Variants in PREX1 observed in about 807,000 individuals in gnomAD.
PREX1 encodes the protein phosphatidylinositol-3,4,5-trisphosphate dependent Rac exchange factor 1.
A neutral mutation model predicts 198.3 loss-of-function variants in PREX1; 41 were observed. The ratio of observed to expected loss-of-function variants is 0.21; its 90% CI spans 0.16 to 0.27. The LOEUF is 0.27. Ranked by LOEUF, PREX1 falls within the 10% of genes least tolerant of loss-of-function variation. The pLI, the probability that PREX1 is intolerant of heterozygous loss-of-function variation, is 1.00. For synonymous variants in PREX1, 843 were observed against 887.2 expected, an observed-to-expected ratio of 0.95 and a Z score of 0.89; for missense variants, 1,620 against 2,200.7, an observed-to-expected ratio of 0.74 and a Z score of 5.28.
At chr20:48,636,328 G>T in intron 32 of PREX1, 135 bp downstream of exon 32, 1 of 908,424 alleles carries the variant, frequency 1.1e-6, no homozygotes, top group Non-Finnish European at 1.6e-6. Flanking sequence ...GCACACAGGT[G>T]CTCAACAAAT....
intron 1 of PREX1, among the ~76,000 whole-genome samples, chr20:48,763,914 C>A (rs1255686911): frequency 6.6e-6 from 1 of 152,162 alleles, no homozygotes; most frequent in African/African-American, 2.4e-5. Flanking sequence ...ATTGCCTCAT[C>A]CTAGACAATC....
chr20:48,796,777 TAC>T (rs72019275), intron 1 of PREX1, among the ~76,000 whole-genome samples: 16,240 of 150,370 alleles, frequency 0.11, 1,042 homozygotes, highest in Middle Eastern at 0.25. Context: ...TAGTTATATA[TAC>T]AGTTATATAC....
Position 48,717,935 on chromosome 20 carries a change from G to A in PREX1, c.621+8355C>T, listed in dbSNP as rs147482312. ...TGATGAGACCAAGCTAAATGTTATC[G>A]CCAGCCTCTGTCAGCAAAGCAGAAG... is the stretch of plus-strand genomic sequence containing the variant. On this transcript the variant is annotated intron_variant, in intron 5 of 39. Coordinates refer to ENST00000371941, the MANE Select transcript of PREX1 (RefSeq NM_020820.4). Among the ~76,000 whole-genome samples the A allele has an allele frequency of 9.2e-5, 14 of 152,252 alleles. No homozygotes were observed. In the East Asian group the frequency reaches 2.5e-3, roughly 27 times the overall value.
At chr20:48,831,388 G>A (rs1253547882), upstream of PREX1, among the ~76,000 whole-genome samples, 1 of 152,202 alleles carries the variant, frequency 6.6e-6, no homozygotes, top group Non-Finnish European at 1.5e-5. Context: ...CAAGAGAGAA[G>A]AGGAGCTAGC....
rs201986686 is a variant in PREX1, at chr20:48,796,349, GC to G, written c.219+31292del. 5.8e-3 allele frequency among the ~76,000 whole-genome samples: 876 copies of G among 150,376 alleles called. 7 individuals carry two copies. Among genetic ancestry groups the G allele is most frequent in the African/African-American group, 0.019 (770 of 40,952 alleles). ...CCTCCATTCAACAGAATTCTATACA[GC>G]TATCATTTTTGAAATGAGGCAATTC... On this transcript the variant is annotated intron_variant, in intron 1 of 39. Transcript: ENST00000371941.
intron 1 of PREX1, among the ~76,000 whole-genome samples, chr20:48,793,540 C>A (rs1424240357): frequency 6.6e-6 from 1 of 152,196 alleles, no homozygotes; most frequent in African/African-American, 2.4e-5. Context: ...AAGAGATGTT[C>A]CTCTATATCC....
At chr20:48,766,839 G>A (rs1414048651) in intron 1 of PREX1, among the ~76,000 whole-genome samples, 1 of 152,186 alleles carries the variant, frequency 6.6e-6, no homozygotes. Flanking sequence ...GACGGGTAGA[G>A]GGAGGGAGAC....
intron 2 of PREX1, among the ~76,000 whole-genome samples, chr20:48,746,986 A>C (rs2090111047): frequency 8.5e-6 from 1 of 118,334 alleles, no homozygotes; most frequent in South Asian, 2.8e-4. Context: ...ACACACACAC[A>C]CACACACACA....
At chr20:48,834,272 C>A in the PREX1 span, among the ~76,000 whole-genome samples, 1 of 152,132 alleles carries the variant, frequency 6.6e-6, no homozygotes, top group Non-Finnish European at 1.5e-5. Flanking sequence ...GGCCAGAGAT[C>A]GACCTGGAGG....
intron 1 of PREX1, among the ~76,000 whole-genome samples, chr20:48,810,346 G>T (rs2123040997): frequency 6.6e-6 from 1 of 152,120 alleles, no homozygotes; most frequent in East Asian, 1.9e-4. Flanking sequence ...ACTTTGGGAG[G>T]CTGAGGCAGG....
At chr20:48,884,241 C>A in the PREX1 span, among the ~76,000 whole-genome samples, 1 of 151,554 alleles carries the variant, frequency 6.6e-6, no homozygotes, top group African/African-American at 2.4e-5. Flanking sequence ...ACAACTTTGA[C>A]AAATAACAAA....
chr20:48,785,827 A>G (rs558861535), intron 1 of PREX1, among the ~76,000 whole-genome samples: 1 of 152,316 alleles, frequency 6.6e-6, no homozygotes, highest in African/African-American at 2.4e-5. Flanking sequence ...TCATTCCATA[A>G]ATACTGACGA....
chr20:48,645,838 C>A lies in PREX1; in HGVS notation c.3512+13G>T. On this transcript the variant is annotated intron_variant, in intron 26 of 39. Transcript: ENST00000371941. ...TCCTCATCTAACCTCAGCCCCCTGA[C>A]GGTGACACCCACCTGTAGGAGTCGC... 2 of 1,613,202 alleles carry A rather than the reference C, an allele frequency of 1.2e-6. No homozygotes were observed. Among genetic ancestry groups the A allele is most frequent in the Non-Finnish European group, 1.7e-6 (2 of 1,179,576 alleles).
At chr20:48,740,493 G>A (rs2090076046) in intron 3 of PREX1, among the ~76,000 whole-genome samples, 2 of 152,236 alleles carry the variant, frequency 1.3e-5, no homozygotes, top group South Asian at 4.1e-4. Context: ...ATAATCTGAA[G>A]AGCTATCCTA....
At chr20:48,856,726 G>T in the PREX1 span, among the ~76,000 whole-genome samples, 1 of 152,222 alleles carries the variant, frequency 6.6e-6, no homozygotes. Context: ...ACAACAGTTT[G>T]CAAAACAAAT....
chr20:48,725,917 C>T (rs915541851), intron 5 of PREX1, among the ~76,000 whole-genome samples: 2 of 152,186 alleles, frequency 1.3e-5, no homozygotes, highest in African/African-American at 2.4e-5. Flanking sequence ...TGTAATTTGT[C>T]CAGGTCAAAG....
the PREX1 span, among the ~76,000 whole-genome samples, chr20:48,865,055 C>T: frequency 6.6e-6 from 1 of 152,022 alleles, no homozygotes; most frequent in Non-Finnish European, 1.5e-5. Context: ...TCTTACCCAA[C>T]CCTGCTTCCT....
intron 20 of PREX1, 84 bp downstream of exon 20, chr20:48,653,277 T>G: frequency 6.5e-7 from 1 of 1,545,378 alleles, no homozygotes; most frequent in Non-Finnish European, 8.8e-7. Flanking sequence ...CATGCAGGCT[T>G]TTCTCTAAAG....
intron 1 of PREX1, among the ~76,000 whole-genome samples, chr20:48,813,064 C>A (rs1332482990): frequency 6.6e-6 from 1 of 152,262 alleles, no homozygotes; most frequent in Non-Finnish European, 1.5e-5. Context: ...CGGCTCCACA[C>A]CCAGCACTCA....
Sources: allele counts gnomAD v4.1 joint callset (sites outside exome capture counted in the v4.1 genomes callset), GRCh38; gene constraint gnomAD v4.1.1; transcripts MANE v1.5; gene names NCBI Gene and HGNC (gene_info 2026-07-23, HGNC 2026-07-21).